ROBO2: variants seen among roughly 807,000 people sequenced by gnomAD.
ROBO2 encodes roundabout guidance receptor 2.
A neutral mutation model predicts 160.8 loss-of-function variants in ROBO2; 53 were observed. The ratio of observed to expected loss-of-function variants is 0.33; its 90% CI spans 0.26 to 0.41. The LOEUF is 0.41. Among genes scored for constraint, ROBO2 ranks in the 10% least tolerant of loss-of-function variants. ROBO2 has a pLI of 1.00. For synonymous variants in ROBO2, 664 were observed against 611.7 expected, an observed-to-expected ratio of 1.09 and a Z score of -1.26; for missense variants, 1,577 against 1,722.4, an observed-to-expected ratio of 0.92 and a Z score of 1.49.
intron 2 of ROBO2, among the ~76,000 whole-genome samples, chr3:76,077,989 A>G (rs1334174410): frequency 1.3e-5 from 2 of 152,222 alleles, no homozygotes; most frequent in Admixed American, 1.3e-4. Context: ...GTGCAAATTT[A>G]CTGCTAACAA....
intron 2 of ROBO2, among the ~76,000 whole-genome samples, chr3:76,177,644 G>A (rs2073277852): frequency 6.6e-6 from 1 of 152,068 alleles, no homozygotes; most frequent in Non-Finnish European, 1.5e-5. Context: ...CTAAGGAGAT[G>A]TTCTATTTTA....
At chr3:77,362,164 C>T (rs2070113856) in intron 2 of ROBO2, among the ~76,000 whole-genome samples, 1 of 152,102 alleles carries the variant, frequency 6.6e-6, no homozygotes, top group Non-Finnish European at 1.5e-5. Flanking sequence ...AGAAAACAAT[C>T]AGTCAATGAT....
At chr3:77,498,284 G>C (rs531004964) in intron 5 of ROBO2, among the ~76,000 whole-genome samples, 2 of 152,218 alleles carry the variant, frequency 1.3e-5, no homozygotes, top group South Asian at 4.1e-4. Context: ...GTTCATAATA[G>C]CTTGTCAGAA....
intron 2 of ROBO2, among the ~76,000 whole-genome samples, chr3:76,679,056 T>G (rs1022540001): frequency 6.6e-6 from 1 of 152,214 alleles, no homozygotes; most frequent in African/African-American, 2.4e-5. Flanking sequence ...GGGACAAGTA[T>G]GGCAATGGCC....
intron 2 of ROBO2, among the ~76,000 whole-genome samples, chr3:76,173,231 T>C (rs1435770058): frequency 6.6e-6 from 1 of 151,868 alleles, no homozygotes; most frequent in East Asian, 1.9e-4. Flanking sequence ...AGTATATATA[T>C]GTGTGTGTAT....
chr3:77,532,787 T>A (rs2091839943), intron 6 of ROBO2, among the ~76,000 whole-genome samples: 2 of 150,806 alleles, frequency 1.3e-5, no homozygotes, highest in Non-Finnish European at 1.5e-5. Flanking sequence ...TACTTGTCTT[T>A]TAGCCTTTGT....
At chr3:77,165,847 G>T (rs2079028563) in intron 2 of ROBO2, among the ~76,000 whole-genome samples, 1 of 152,098 alleles carries the variant, frequency 6.6e-6, no homozygotes, top group South Asian at 2.1e-4. Flanking sequence ...CCATAGAGCT[G>T]TCTTCTTTTA....
chr3:77,610,741 C>CAAAAAA (rs71629658), intron 21 of ROBO2, among the ~76,000 whole-genome samples: 130 of 19,830 alleles, frequency 6.6e-3, no homozygotes, highest in Middle Eastern at 0.071. Flanking sequence ...GGCCAAAGAC[C>CAAAAAA]AAAAAAAAAA....
chr3:76,148,167 C>T (rs1446190120), intron 2 of ROBO2, among the ~76,000 whole-genome samples: 1 of 151,966 alleles, frequency 6.6e-6, no homozygotes, highest in Non-Finnish European at 1.5e-5. Flanking sequence ...CATTTCATAA[C>T]CTCATTTCTG....
intron 2 of ROBO2, among the ~76,000 whole-genome samples, chr3:76,320,040 A>T (rs1161548290): frequency 1.3e-5 from 2 of 152,062 alleles, no homozygotes; most frequent in Non-Finnish European, 2.9e-5. Flanking sequence ...TAACAGATTT[A>T]GTTTGAAATA....
intron 2 of ROBO2, among the ~76,000 whole-genome samples, chr3:76,737,830 T>A (rs1275687304): frequency 7.3e-6 from 1 of 137,166 alleles, no homozygotes; most frequent in Non-Finnish European, 1.6e-5. Flanking sequence ...ACTAAAGCAA[T>A]AATCCTGTGA....
chr3:77,369,974 C>G (rs1382567615), intron 2 of ROBO2, among the ~76,000 whole-genome samples: 1 of 152,110 alleles, frequency 6.6e-6, no homozygotes, highest in Non-Finnish European at 1.5e-5. Flanking sequence ...ATCTGCAGAG[C>G]CTCCTAAAAC....
chr3:77,220,158 G>A (rs186000290), intron 2 of ROBO2, among the ~76,000 whole-genome samples: 4 of 151,986 alleles, frequency 2.6e-5, no homozygotes, highest in East Asian at 2.0e-4. Context: ...CTACAGGCAC[G>A]TGCCACCACG....
At chr3:76,473,319 T>C (rs2078765687) in intron 2 of ROBO2, among the ~76,000 whole-genome samples, 1 of 152,138 alleles carries the variant, frequency 6.6e-6, no homozygotes, top group South Asian at 2.1e-4. Flanking sequence ...CCCCTCTTCC[T>C]TGAGCCAATA....
At chr3:77,503,443 C>G (rs967246472) in intron 5 of ROBO2, among the ~76,000 whole-genome samples, 7 of 150,912 alleles carry the variant, frequency 4.6e-5, no homozygotes, top group Non-Finnish European at 7.4e-5. Flanking sequence ...AGAATGGCGT[C>G]AACCCGGGAG....
chr3:76,965,655 ATATC>A (rs968152650), intron 2 of ROBO2, among the ~76,000 whole-genome samples: 2 of 148,426 alleles, frequency 1.3e-5, no homozygotes, highest in African/African-American at 5.1e-5. Flanking sequence ...TAGTTCTCAT[ATATC>A]TATCAAAGGT....
At chr3:76,909,655 T>TA (rs1449888451) in intron 2 of ROBO2, among the ~76,000 whole-genome samples, 1 of 152,234 alleles carries the variant, frequency 6.6e-6, no homozygotes, top group African/African-American at 2.4e-5. Flanking sequence ...CGTTGTTTTT[T>TA]AAATTGACAT....
intron 2 of ROBO2, among the ~76,000 whole-genome samples, chr3:76,426,615 A>T (rs1401864984): frequency 6.6e-6 from 1 of 152,228 alleles, no homozygotes; most frequent in Non-Finnish European, 1.5e-5. Flanking sequence ...TTTAAAAGGA[A>T]ACAAACAGGA....
intron 2 of ROBO2, among the ~76,000 whole-genome samples, chr3:77,013,275 G>T (rs1422704549): frequency 1.3e-5 from 2 of 152,006 alleles, no homozygotes; most frequent in African/African-American, 4.8e-5. Flanking sequence ...TTATAAGATA[G>T]ATGGTTTCTG....
Sources: allele counts gnomAD v4.1 joint callset (sites outside exome capture counted in the v4.1 genomes callset), GRCh38; gene constraint gnomAD v4.1.1; transcripts MANE v1.5; gene names NCBI Gene and HGNC (gene_info 2026-07-23, HGNC 2026-07-21).